WDR5: variants seen among roughly 807,000 people sequenced by gnomAD.
WDR5 encodes the protein WD repeat domain 5.
For missense variants in WDR5, 187 were observed against 416.9 expected, an observed-to-expected ratio of 0.45 and a Z score of 4.80; for synonymous variants, 144 against 161.6, an observed-to-expected ratio of 0.89 and a Z score of 0.83.
At position 134,157,881 on chromosome 9, in the gene WDR5, CTT is replaced by C. The variant is rs766902461; in HGVS notation, c.905-10_905-9del. The stretch of plus-strand genomic sequence containing the variant: ...GGGATGGCTCTGGTTCTGACTGTGT[CTT>C]TGTTTTCAGATGTCGTGATCTCAAC... On this transcript the variant is annotated splice_polypyrimidine_tract_variant and intron_variant, in intron 13 of 13. Transcript: ENST00000358625. The surrounding 1 kb of genome is among the most constrained non-coding windows in gnomAD (Gnocchi z 5.0). The C allele has an allele frequency of 6.2e-7, 1 of 1,613,850 alleles. No individual in the cohort carries two copies. The highest frequency in any genetic ancestry group is 1.3e-5 in the African/African-American group (1 of 75,042).
At position 134,158,020 on chromosome 9, in the gene WDR5, C is replaced by T. The variant is rs765164363; in HGVS notation, c.*27C>T. 6.2e-7 allele frequency: 1 copy of T among 1,607,974 alleles called. No homozygotes were observed. The highest frequency in any genetic ancestry group is 1.1e-5 in the South Asian group (1 of 90,930). ...TCCCTTTGCTCCTGCCCGCGAGAGA[C>T]TGTCGGGAAGTTGACCCGGATTGGC... On this transcript the variant is annotated 3_prime_UTR_variant, in exon 14 of 14. Coordinates refer to ENST00000358625, the MANE Select transcript of WDR5 (RefSeq NM_017588.3).
intron 1 of WDR5, among the ~76,000 whole-genome samples, chr9:134,137,435 C>T (rs1006696469): frequency 1.3e-5 from 2 of 152,062 alleles, no homozygotes; most frequent in Non-Finnish European, 1.5e-5. Flanking sequence ...GTAATCCTAG[C>T]ACTTTGGGAG....
Position 134,140,669 on chromosome 9 carries a change from G to T in WDR5, c.82-34G>T, listed in dbSNP as rs571285115. On this transcript the variant is annotated intron_variant, in intron 2 of 13. Coordinates refer to ENST00000358625, the MANE Select transcript of WDR5 (RefSeq NM_017588.3). ...CTGGTCACGGGTGGAACGTACAGTG[G>T]TGGTGACTTTTTGCTAACTGGTCTT... 5.1e-6 allele frequency: 8 copies of T among 1,573,824 alleles called. No homozygotes were observed. In the South Asian group the frequency reaches 8.9e-5, roughly 17 times the overall value.
rs981933568 is a variant in WDR5 at position 134,159,433 on chromosome 9, T to G, written c.*1440T>G. 6.6e-6 allele frequency: 1 copy of G among 152,402 alleles called. No homozygotes were observed. Among genetic ancestry groups the G allele is most frequent in the Admixed American group, 6.5e-5 (1 of 15,288 alleles). 9.4% of individuals were successfully genotyped at this position (152,402 alleles called of 1,614,324 possible). A position where few individuals can be genotyped will look rare whatever the true frequency, so the allele number is the denominator to read the frequency against. On this transcript the variant is annotated 3_prime_UTR_variant, in exon 14 of 14. Coordinates refer to ENST00000358625, the MANE Select transcript of WDR5 (RefSeq NM_017588.3). The surrounding 1 kb of genome is among the most constrained non-coding windows in gnomAD (Gnocchi z 4.3). ...GGAGTCCTGGGGGAGCTCAGCCAGCTCTGCCTTTCTCAGGGCCTGGAGTCC... is the reference window on the plus strand; with the variant it reads ...GGAGTCCTGGGGGAGCTCAGCCAGCGCTGCCTTTCTCAGGGCCTGGAGTCC...
At chr9:134,148,186 C>CT (rs34443303) in intron 7 of WDR5, 102 bp from the exon 8 acceptor site, 5,455 of 285,698 alleles carry the variant, frequency 0.019, 305 homozygotes, top group African/African-American at 0.11. Context: ...ATAACTCAGT[C>CT]TTTTTTTTTT....
chr9:134,156,499 T>TA lies in WDR5; in HGVS notation c.817-6dup, dbSNP rs1277328892. On this transcript the variant is annotated splice_region_variant and splice_polypyrimidine_tract_variant and intron_variant, in intron 12 of 13. Coordinates refer to ENST00000358625, the MANE Select transcript of WDR5 (RefSeq NM_017588.3). ...TTGCCCTGTTTTCCCTGCTTGTTGT[T>TA]ACGTAGTGGATTGTGTCTGGCTCAG... 1 of 1,614,130 alleles carries TA rather than the reference T, an allele frequency of 6.2e-7. No homozygotes were observed. The highest frequency in any genetic ancestry group is 8.5e-7 in the Non-Finnish European group (1 of 1,179,932).
chr9:134,142,966 G>A (rs1310650144), intron 7 of WDR5, among the ~76,000 whole-genome samples: 3 of 152,192 alleles, frequency 2.0e-5, no homozygotes, highest in African/African-American at 7.2e-5. Flanking sequence ...TGAGCACCAA[G>A]GGGCCGTTTG....
At chr9:134,141,395 A>G (rs1831879861) in intron 3 of WDR5, 115 bp from the exon 4 acceptor site, 7 of 975,892 alleles carry the variant, frequency 7.2e-6, no homozygotes, top group Middle Eastern at 4.2e-4. Context: ...GTTCTGAGCC[A>G]TGTGGTTCAT....
At chr9:134,155,318 C>T in intron 10 of WDR5, 22 bp from the exon 11 acceptor site, 1 of 1,586,798 alleles carries the variant, frequency 6.3e-7, no homozygotes, top group Non-Finnish European at 8.6e-7. Context: ...CATGCCGCCT[C>T]ACCCCTCTCT....
chr9:134,142,141 C>T (rs1831924379), intron 5 of WDR5, 103 bp downstream of exon 5: 1 of 1,033,308 alleles, frequency 9.7e-7, no homozygotes, highest in Non-Finnish European at 1.4e-6. Flanking sequence ...CTCAGCGCTC[C>T]TCTCCAGGGA....
chr9:134,153,155 C>T (rs892261417), intron 9 of WDR5, among the ~76,000 whole-genome samples: 1 of 152,176 alleles, frequency 6.6e-6, no homozygotes, highest in Non-Finnish European at 1.5e-5. Flanking sequence ...GGACGGGCCA[C>T]CTGTGCTCAG....
Position 134,138,814 on chromosome 9 carries a change from G to A in WDR5, c.-58-1006G>A, listed in dbSNP as rs557749613. ...GATTTCAGTTCCAAGCTCCAAGCTA[G>A]AATTTACAGTGTGTAAACTCATTAG... On this transcript the variant is annotated intron_variant, in intron 1 of 13. Transcript: ENST00000358625. Among the ~76,000 whole-genome samples the A allele has an allele frequency of 3.3e-5, 5 of 152,318 alleles. No individual in the cohort carries two copies. The South Asian group carries it at 8.3e-4, about 25-fold the overall frequency.
chr9:134,141,485 C>G (rs774922651), intron 3 of WDR5, 25 bp from the exon 4 acceptor site: 34 of 1,612,538 alleles, frequency 2.1e-5, no homozygotes, highest in Non-Finnish European at 2.9e-5. Flanking sequence ...TGCTCTTAGC[C>G]TCAGATCCTT....
At chr9:134,149,592 A>T (rs889922366) in intron 8 of WDR5, among the ~76,000 whole-genome samples, 8 of 152,220 alleles carry the variant, frequency 5.3e-5, no homozygotes, top group African/African-American at 1.9e-4. Flanking sequence ...CCAACAGGGA[A>T]GTGAGCACGG....
In WDR5 at chr9:134,157,593, G is replaced by A. The variant is rs951438890; in HGVS notation, c.905-300G>A. Among the ~76,000 whole-genome samples, 6 of 152,148 alleles carry A rather than the reference G, an allele frequency of 3.9e-5. No individual in the cohort carries two copies. Among genetic ancestry groups the A allele is most frequent in the African/African-American group, 4.8e-5 (2 of 41,432 alleles). On this transcript the variant is annotated intron_variant, in intron 13 of 13. Coordinates refer to ENST00000358625, the MANE Select transcript of WDR5 (RefSeq NM_017588.3). This position sits in a 1 kb window ranked among gnomAD's most constrained non-coding sequence, Gnocchi z 5.0. ...TGCCGCGCTCCTCCTTGTGGGCGCC[G>A]AGCTGCTGTTGGTGGGGGCGTGTGG...
At chr9:134,155,314 G>A (rs1371833640) in intron 10 of WDR5, 26 bp from the exon 11 acceptor site, 9 of 1,580,954 alleles carry the variant, frequency 5.7e-6, no homozygotes, top group Non-Finnish European at 7.7e-6. Context: ...CAGACATGCC[G>A]CCTCACCCCT....
At position 134,157,285 on chromosome 9, in the gene WDR5, G is replaced by A. The variant is rs1158431761; in HGVS notation, c.905-608G>A. On this transcript the variant is annotated intron_variant, in intron 13 of 13. Coordinates refer to ENST00000358625, the MANE Select transcript of WDR5 (RefSeq NM_017588.3). The surrounding 1 kb of genome is among the most constrained non-coding windows in gnomAD (Gnocchi z 5.0). The stretch of plus-strand genomic sequence containing the variant: ...GGCCTTCCCCTGGGTCCTCGCCGGC[G>A]TTCTGGGGTTCTTTGGTTTACGTAG... Among the ~76,000 whole-genome samples the A allele has an allele frequency of 1.3e-5, 2 of 152,220 alleles. No homozygotes were observed. Among genetic ancestry groups the A allele is most frequent in the African/African-American group, 2.4e-5 (1 of 41,468 alleles).
intron 8 of WDR5, among the ~76,000 whole-genome samples, chr9:134,150,610 T>G (rs1276141208): frequency 1.3e-5 from 2 of 152,236 alleles, no homozygotes; most frequent in African/African-American, 4.8e-5. Flanking sequence ...GATACACATC[T>G]TTGTAGATAT....
At chr9:134,155,303 C>G (rs1832696804) in intron 10 of WDR5, 37 bp from the exon 11 acceptor site, 2 of 1,563,748 alleles carry the variant, frequency 1.3e-6, no homozygotes, top group Non-Finnish European at 1.7e-6. Flanking sequence ...AAGGATGCCT[C>G]CAGACATGCC....
Sources: allele counts gnomAD v4.1 joint callset (sites outside exome capture counted in the v4.1 genomes callset), GRCh38; gene constraint gnomAD v4.1.1; non-coding constraint Gnocchi (gnomAD v3.1); transcripts MANE v1.5; gene names NCBI Gene and HGNC (gene_info 2026-07-23, HGNC 2026-07-21).